NRG3: variants seen among roughly 807,000 people sequenced by gnomAD.
NRG3 encodes pro-neuregulin-3, membrane-bound isoform.
NRG3 carries 31 observed loss-of-function variants against 66.9 expected under a neutral mutation model. The observed-to-expected ratio is 0.46, with a 90% CI of 0.35 to 0.63. NRG3 has a LOEUF of 0.63. Among genes scored for constraint, NRG3 ranks in the 20% least tolerant of loss-of-function variants. NRG3 has a pLI of 0.00. For missense variants in NRG3, 910 were observed against 878.9 expected, an observed-to-expected ratio of 1.04 and a Z score of -0.45; for synonymous variants, 393 against 359.4, an observed-to-expected ratio of 1.09 and a Z score of -1.06.
chr10:82,838,420 ATGG>A (rs2062885271), intron 3 of NRG3, among the ~76,000 whole-genome samples: 3 of 152,184 alleles, frequency 2.0e-5, no homozygotes, highest in Admixed American at 1.3e-4. Flanking sequence ...CTCTCATTTT[ATGG>A]TGACAATAGA....
intron 4 of NRG3, among the ~76,000 whole-genome samples, chr10:82,887,272 C>T (rs1479779289): frequency 1.3e-5 from 2 of 152,150 alleles, no homozygotes; most frequent in Non-Finnish European, 2.9e-5. Flanking sequence ...AATGATTTTA[C>T]ATACCCAAGC....
intron 3 of NRG3, among the ~76,000 whole-genome samples, chr10:82,772,529 T>C (rs2059751285): frequency 2.0e-5 from 3 of 152,084 alleles, no homozygotes; most frequent in Admixed American, 2.0e-4. Context: ...CTCTGTATAT[T>C]TGTCATCTTT....
intron 3 of NRG3, among the ~76,000 whole-genome samples, chr10:82,765,239 T>C (rs1351224246): frequency 5.9e-5 from 9 of 152,080 alleles, no homozygotes; most frequent in Admixed American, 5.9e-4. Context: ...TCTCTAACCA[T>C]ATGGAAATGA....
At chr10:82,270,004 T>C (rs763905917) in intron 1 of NRG3, among the ~76,000 whole-genome samples, 2 of 152,172 alleles carry the variant, frequency 1.3e-5, no homozygotes, top group African/African-American at 4.8e-5. Flanking sequence ...GATTAAAGTA[T>C]CTACCTCATA....
rs553156053 is a variant in NRG3 at position 82,574,037 on chromosome 10, A to G, written c.954-164540A>G. Among the ~76,000 whole-genome samples, 53 of 151,942 alleles carry G rather than the reference A, an allele frequency of 3.5e-4. No individual in the cohort carries two copies. The South Asian group carries it at 5.6e-3, about 16-fold the overall frequency. On this transcript the variant is annotated intron_variant, in intron 2 of 8. Coordinates refer to ENST00000372141, the MANE Select transcript of NRG3 (RefSeq NM_001010848.4). ...ATCCAACCAATCCACTGCTAAGCAT[A>G]TATCCAAATGAAATGAAATCAAAAT...
chr10:82,144,927 G>C lies in NRG3; in HGVS notation c.824-213812G>C, dbSNP rs1347656768. Among the ~76,000 whole-genome samples, 3 of 152,312 alleles carry C rather than the reference G, an allele frequency of 2.0e-5. No homozygotes were observed. In the East Asian group the frequency reaches 5.8e-4, roughly 29 times the overall value. On this transcript the variant is annotated intron_variant, in intron 1 of 8. Transcript: ENST00000372141. ...AGTCTCATTCTCCTTGTTGTCTTTT[G>C]AGAATTGCCCTTTGTTTCTTTTATG... is the stretch of plus-strand genomic sequence containing the variant.
intron 3 of NRG3, among the ~76,000 whole-genome samples, chr10:82,767,480 A>G (rs748109882): frequency 6.6e-6 from 1 of 152,194 alleles, no homozygotes; most frequent in Middle Eastern, 3.4e-3. Context: ...CTTTTAATCT[A>G]GAGATTCCTG....
chr10:82,692,020 T>C (rs1030922586), intron 2 of NRG3, among the ~76,000 whole-genome samples: 2 of 152,132 alleles, frequency 1.3e-5, no homozygotes, highest in Non-Finnish European at 2.9e-5. Context: ...GTGCCTGTAA[T>C]CCCAGCGCTT....
chr10:82,898,715 C>CTTTTTTTTTTTTTT (rs765058089), intron 4 of NRG3, among the ~76,000 whole-genome samples: 4 of 89,390 alleles, frequency 4.5e-5, no homozygotes, highest in African/African-American at 1.8e-4. Flanking sequence ...GGAGTTTTAC[C>CTTTTTTTTTTTTTT]TTTTTTTTTT....
At chr10:82,055,366 A>G (rs1290221068) in intron 1 of NRG3, among the ~76,000 whole-genome samples, 33 of 151,428 alleles carry the variant, frequency 2.2e-4, no homozygotes, top group Non-Finnish European at 2.9e-5. Flanking sequence ...AATCTCAGCT[A>G]CTCGGGAGGC....
intron 1 of NRG3, among the ~76,000 whole-genome samples, chr10:81,897,166 C>T (rs1286836096): frequency 6.6e-6 from 1 of 152,036 alleles, no homozygotes; most frequent in Non-Finnish European, 1.5e-5. Context: ...GAAAAATGGC[C>T]AGCGTGCCTG....
At chr10:81,897,124 G>GA (rs1370308407) in intron 1 of NRG3, among the ~76,000 whole-genome samples, 1 of 152,122 alleles carries the variant, frequency 6.6e-6, no homozygotes, top group Non-Finnish European at 1.5e-5. Context: ...ATCAGAAAGA[G>GA]AAAAATGGAA....
At chr10:82,505,791 G>A (rs555330905) in intron 2 of NRG3, among the ~76,000 whole-genome samples, 1 of 152,336 alleles carries the variant, frequency 6.6e-6, no homozygotes, top group South Asian at 2.1e-4. Flanking sequence ...AACCCCTGAA[G>A]GCACTGAACA....
chr10:82,160,154 A>C (rs948427584), intron 1 of NRG3, among the ~76,000 whole-genome samples: 1 of 151,978 alleles, frequency 6.6e-6, no homozygotes, highest in African/African-American at 2.4e-5. Flanking sequence ...AAAATAATAA[A>C]AAGCAATCCA....
chr10:82,537,895 T>C (rs1590561146), intron 2 of NRG3, among the ~76,000 whole-genome samples: 1 of 152,302 alleles, frequency 6.6e-6, no homozygotes, highest in Non-Finnish European at 1.5e-5. Flanking sequence ...AGTTATTTAA[T>C]GAACTGATGT....
At position 82,628,399 on chromosome 10, in the gene NRG3, G is replaced by A. The variant is rs148327523; in HGVS notation, c.954-110178G>A. 4.2e-4 allele frequency among the ~76,000 whole-genome samples: 64 copies of A among 152,152 alleles called. No homozygotes were observed. In the East Asian group the frequency reaches 4.8e-3, roughly 11 times the overall value. Reference sequence around the variant, plus strand: ...TTCTCAGATGGGCTTAGCTGCAGCCGTGGAGTATAAACAGGATGGAAAAAT... The same window carrying A: ...TTCTCAGATGGGCTTAGCTGCAGCCATGGAGTATAAACAGGATGGAAAAAT... On this transcript the variant is annotated intron_variant, in intron 2 of 8. Coordinates refer to ENST00000372141, the MANE Select transcript of NRG3 (RefSeq NM_001010848.4).
At chr10:82,621,534 C>A (rs2049038955) in intron 2 of NRG3, among the ~76,000 whole-genome samples, 1 of 152,144 alleles carries the variant, frequency 6.6e-6, no homozygotes, top group Admixed American at 6.6e-5. Context: ...CTGTTAGTAT[C>A]ATCTGATATC....
intron 2 of NRG3, among the ~76,000 whole-genome samples, chr10:82,722,104 TTTTAA>T (rs1205496778): frequency 1.3e-5 from 2 of 152,190 alleles, no homozygotes; most frequent in African/African-American, 4.8e-5. Context: ...AGTCTTTGCT[TTTTAA>T]GAGGAAGTAT....
At chr10:82,402,850 C>T (rs968764936) in intron 2 of NRG3, among the ~76,000 whole-genome samples, 2 of 151,988 alleles carry the variant, frequency 1.3e-5, no homozygotes, top group Non-Finnish European at 2.9e-5. Flanking sequence ...GGATTTGGTC[C>T]CAAGTTATTT....
Sources: gnomAD v4.1 joint callset for allele counts (sites outside exome capture counted in the v4.1 genomes callset) on GRCh38, gnomAD v4.1.1 for gene constraint, MANE v1.5 for transcripts, NCBI Gene and HGNC (gene_info 2026-07-23, HGNC 2026-07-21) for gene names.